The following FBXL17 variants were observed in gnomAD, a reference collection of about 807,000 sequenced individuals.
The protein encoded by FBXL17 is F-box/LRR-repeat protein 17.
Under a neutral mutation model 66.2 loss-of-function variants are expected in FBXL17, and 22 were observed. The ratio of observed to expected loss-of-function variants is 0.33; its 90% CI spans 0.24 to 0.47. FBXL17 has a LOEUF of 0.47. FBXL17 is among the 20% of genes least tolerant of loss of function. FBXL17 has a pLI of 1.00. For synonymous variants in FBXL17, 474 were observed against 400.5 expected (o/e 1.18, Z -2.19); for missense variants, 878 against 948.2 (o/e 0.93, Z 0.97).
intron 4 of FBXL17, among the ~76,000 whole-genome samples, chr5:108,292,879 C>T (rs1758173078): frequency 6.6e-6 from 1 of 151,998 alleles, no homozygotes; most frequent in Non-Finnish European, 1.5e-5. Context: ...GCGGGTGGAT[C>T]ACGAGGTCAG....
At chr5:108,147,553 G>A (rs1184891006) in intron 6 of FBXL17, among the ~76,000 whole-genome samples, 3 of 152,078 alleles carry the variant, frequency 2.0e-5, no homozygotes, top group Non-Finnish European at 4.4e-5. Context: ...TAGGTTACAA[G>A]ATATTAAGTA....
chr5:108,114,068 G>A (rs1343132807), intron 6 of FBXL17, among the ~76,000 whole-genome samples: 1 of 152,070 alleles, frequency 6.6e-6, no homozygotes. Context: ...AAGACTTGTG[G>A]CAGTCAACTA....
rs1001851614 is a variant in FBXL17 at position 108,382,046 on chromosome 5, G to C, written c.-355C>G. 13 of 925,104 alleles carry C rather than the reference G, an allele frequency of 1.4e-5. No homozygotes were observed. In the Admixed American group the frequency reaches 2.1e-4, roughly 15 times the overall value. The allele number at this position is 925,104 out of a possible 1,614,324, so 57.3% of individuals were successfully genotyped here. On this transcript the variant is annotated 5_prime_UTR_variant, in exon 1 of 9. Transcript: ENST00000542267. The stretch of plus-strand genomic sequence containing the variant: ...AGCGGCCGGGGAAAGGCCGGGTCCC[G>C]CTCGGACCATTTTAACTGCGGATCC...
intron 7 of FBXL17, among the ~76,000 whole-genome samples, chr5:107,978,893 G>T (rs552139913): frequency 3.6e-4 from 55 of 152,238 alleles, no homozygotes; most frequent in African/African-American, 1.3e-3. Context: ...TTGTGCAGGG[G>T]GCAGGAAGAA....
At chr5:108,010,237 T>C (rs1754124067) in intron 7 of FBXL17, among the ~76,000 whole-genome samples, 1 of 152,150 alleles carries the variant, frequency 6.6e-6, no homozygotes, top group Non-Finnish European at 1.5e-5. Context: ...GTCCAAGAGG[T>C]CCATTTTCAA....
chr5:108,201,413 G>A (rs115485350), intron 5 of FBXL17, among the ~76,000 whole-genome samples: 1,700 of 152,152 alleles, frequency 0.011, 47 homozygotes, highest in African/African-American at 0.039. Flanking sequence ...CTGCCCAGGT[G>A]CAGTAAAAAT....
chr5:108,020,020 A>G (rs1754528270), intron 7 of FBXL17, among the ~76,000 whole-genome samples: 1 of 151,948 alleles, frequency 6.6e-6, no homozygotes, highest in African/African-American at 2.4e-5. Context: ...CTAATAAAAG[A>G]CAACTCTCCC....
At chr5:108,155,954 G>C (rs1751980865) in intron 6 of FBXL17, among the ~76,000 whole-genome samples, 1 of 151,966 alleles carries the variant, frequency 6.6e-6, no homozygotes, top group African/African-American at 2.4e-5. Context: ...TGGAAAATTA[G>C]AGTACTATAA....
intron 6 of FBXL17, among the ~76,000 whole-genome samples, chr5:108,140,970 C>T (rs1218786383): frequency 1.3e-5 from 2 of 152,144 alleles, no homozygotes; most frequent in Non-Finnish European, 1.5e-5. Context: ...CCTGAATTGT[C>T]TCCCTCCATT....
At chr5:108,003,829 G>A (rs1753829007) in intron 7 of FBXL17, among the ~76,000 whole-genome samples, 1 of 151,886 alleles carries the variant, frequency 6.6e-6, no homozygotes, top group Non-Finnish European at 1.5e-5. Flanking sequence ...GAGATTAATA[G>A]ATTAAAAATA....
At chr5:108,170,362 A>G (rs1752562066) in intron 6 of FBXL17, among the ~76,000 whole-genome samples, 1 of 152,168 alleles carries the variant, frequency 6.6e-6, no homozygotes, top group South Asian at 2.1e-4. Context: ...AAGATATTAT[A>G]TACATGTCAG....
At chr5:108,031,914 C>T (rs1746659187) in intron 6 of FBXL17, among the ~76,000 whole-genome samples, 2 of 152,090 alleles carry the variant, frequency 1.3e-5, no homozygotes, top group Admixed American at 1.3e-4. Flanking sequence ...TAAGTCTCTT[C>T]TATAAAATGG....
intron 6 of FBXL17, among the ~76,000 whole-genome samples, chr5:108,119,207 G>A (rs974975258): frequency 6.6e-6 from 1 of 152,170 alleles, no homozygotes; most frequent in Non-Finnish European, 1.5e-5. Flanking sequence ...CTCAGGGTGA[G>A]GACTGCACAG....
At chr5:108,327,214 A>G (rs758260168) in intron 4 of FBXL17, among the ~76,000 whole-genome samples, 1 of 152,222 alleles carries the variant, frequency 6.6e-6, no homozygotes, top group Non-Finnish European at 1.5e-5. Flanking sequence ...TTGATCCAGA[A>G]GTAAATCCAG....
intron 7 of FBXL17, among the ~76,000 whole-genome samples, chr5:107,991,716 A>G (rs1232140774): frequency 2.0e-5 from 3 of 152,154 alleles, no homozygotes; most frequent in African/African-American, 7.2e-5. Flanking sequence ...TTCAGATCTA[A>G]GTTTCCCTTG....
At chr5:108,001,721 C>T (rs186790389) in intron 7 of FBXL17, among the ~76,000 whole-genome samples, 21 of 152,052 alleles carry the variant, frequency 1.4e-4, no homozygotes, top group Admixed American at 7.2e-4. Context: ...AAGATGGTCT[C>T]GATCTCCTGA....
intron 6 of FBXL17, among the ~76,000 whole-genome samples, chr5:108,155,225 A>ACAAAT (rs1208965259): frequency 1.3e-5 from 2 of 152,164 alleles, no homozygotes; most frequent in Non-Finnish European, 2.9e-5. Flanking sequence ...AGAGATTAAT[A>ACAAAT]CAAATTTTAG....
chr5:107,899,452 C>T (rs984201009), intron 7 of FBXL17, among the ~76,000 whole-genome samples: 6 of 151,928 alleles, frequency 3.9e-5, no homozygotes, highest in Admixed American at 1.3e-4. Context: ...GACCAGCCTG[C>T]GCAAATAGTG....
At chr5:108,200,856 C>A (rs1043559587) in intron 5 of FBXL17, among the ~76,000 whole-genome samples, 1 of 152,154 alleles carries the variant, frequency 6.6e-6, no homozygotes, top group Admixed American at 6.5e-5. Flanking sequence ...AGAGAGCAAA[C>A]ATGTGAAGAG....
Sources: allele counts gnomAD v4.1 joint callset (sites outside exome capture counted in the v4.1 genomes callset), GRCh38; gene constraint gnomAD v4.1.1; transcripts MANE v1.5; gene names NCBI Gene and HGNC (gene_info 2026-07-23, HGNC 2026-07-21).